Variants in CHD1 observed in about 807,000 individuals in gnomAD.
The protein encoded by CHD1 is chromodomain helicase DNA binding protein 1.
CHD1 carries 36 observed loss-of-function variants against 224.2 expected under a neutral mutation model. The observed-to-expected ratio is 0.16, with a 90% CI of 0.12 to 0.21. CHD1 has a LOEUF of 0.21. CHD1 is among the 10% of genes least tolerant of loss of function. The probability of loss-of-function intolerance (pLI) is 1.00; values close to 1 mark genes in which losing one functional copy is unlikely to be tolerated. For missense variants in CHD1, 1,378 were observed against 1,994.8 expected, an observed-to-expected ratio of 0.69 and a Z score of 5.89; for synonymous variants, 668 against 658.3, an observed-to-expected ratio of 1.01 and a Z score of -0.23.
intron 2 of CHD1, among the ~76,000 whole-genome samples, chr5:98,920,084 C>T (rs1752991420): frequency 6.6e-6 from 1 of 152,026 alleles, no homozygotes; most frequent in South Asian, 2.1e-4. Flanking sequence ...CATAAAATAC[C>T]TATTATACAT....
intron 2 of CHD1, among the ~76,000 whole-genome samples, chr5:98,912,274 G>C (rs1468562693): frequency 6.6e-6 from 1 of 152,160 alleles, no homozygotes; most frequent in Non-Finnish European, 1.5e-5. Context: ...ATTATCTAAT[G>C]TATAATGTGT....
chr5:98,884,660 TAA>T (rs1347326785), intron 18 of CHD1, among the ~76,000 whole-genome samples: 1 of 151,340 alleles, frequency 6.6e-6, no homozygotes, highest in Non-Finnish European at 1.5e-5. Flanking sequence ...TCCACGGAAA[TAA>T]AAAAAATTTT....
intron 32 of CHD1, among the ~76,000 whole-genome samples, chr5:98,861,710 G>A (rs542945052): frequency 1.3e-5 from 2 of 148,286 alleles, no homozygotes; most frequent in African/African-American, 5.0e-5. Flanking sequence ...CACCGTCTTA[G>A]CCAGGATGGT....
rs565618815 is a variant in CHD1, at chr5:98,854,595, G to A, written c.*1785C>T. ...CCCTCACATGTTCTCTCATATACCA[G>A]AAAAGAAACAAAGCATTATTATTCT... On this transcript the variant is annotated 3_prime_UTR_variant, in exon 36 of 36. Transcript: ENST00000614616. 6.6e-6 allele frequency: 1 copy of A among 151,878 alleles called. No homozygotes were observed. The highest frequency in any genetic ancestry group is 2.1e-4 in the South Asian group (1 of 4,830). The allele number at this position is 151,878 out of a possible 1,614,324, so 9.4% of individuals were successfully genotyped here.
intron 32 of CHD1, among the ~76,000 whole-genome samples, chr5:98,861,977 T>C (rs1748511350): frequency 6.6e-6 from 1 of 151,920 alleles, no homozygotes; most frequent in Non-Finnish European, 1.5e-5. Flanking sequence ...GCTGACATGG[T>C]GAAACCCCAT....
chr5:98,923,988 G>C (rs1009167482), intron 2 of CHD1, among the ~76,000 whole-genome samples: 3 of 152,178 alleles, frequency 2.0e-5, no homozygotes, highest in Admixed American at 2.0e-4. Context: ...GGGTGTGGCA[G>C]CTCACACCTG....
chr5:98,892,298 TTA>T (rs1751073503), intron 15 of CHD1, among the ~76,000 whole-genome samples: 1 of 152,192 alleles, frequency 6.6e-6, no homozygotes, highest in Admixed American at 6.5e-5. Context: ...AAGCAATTAA[TTA>T]TGTGTCAGAA....
chr5:98,883,350 C>T (rs1321899200), intron 18 of CHD1, 113 bp from the exon 19 acceptor site: 1 of 540,336 alleles, frequency 1.9e-6, no homozygotes, highest in Non-Finnish European at 3.2e-6. Flanking sequence ...AAACATCTAG[C>T]AAGACCAATC....
At chr5:98,909,851 C>T (rs1213022715) in intron 2 of CHD1, among the ~76,000 whole-genome samples, 1 of 152,052 alleles carries the variant, frequency 6.6e-6, no homozygotes, top group African/African-American at 2.4e-5. Flanking sequence ...CCAAACTCTC[C>T]CATCTTTTTC....
intron 31 of CHD1, among the ~76,000 whole-genome samples, 164 bp downstream of exon 31, chr5:98,868,331 G>GAAAAAAAAAAAAAAAAAAAAA (rs58475767): frequency 6.5e-5 from 6 of 91,684 alleles, no homozygotes; most frequent in Non-Finnish European, 9.1e-5. Context: ...ACTCAAAAAA[G>GAAAAAAAAAAAAAAAAAAAAA]AAAAAAAAAA....
chr5:98,895,022 T>G (rs1312662750), intron 12 of CHD1, among the ~76,000 whole-genome samples: 1 of 152,106 alleles, frequency 6.6e-6, no homozygotes, highest in Non-Finnish European at 1.5e-5. Flanking sequence ...GGTATCTCCA[T>G]GTTGGTCAGA....
At chr5:98,908,820 C>G (rs1347694891) in intron 2 of CHD1, among the ~76,000 whole-genome samples, 1 of 124,396 alleles carries the variant, frequency 8.0e-6, no homozygotes, top group Non-Finnish European at 1.7e-5. Flanking sequence ...ATAAATAAAC[C>G]CATTGAATTC....
intron 2 of CHD1, among the ~76,000 whole-genome samples, chr5:98,921,254 A>G (rs1206966508): frequency 6.6e-6 from 1 of 152,218 alleles, no homozygotes; most frequent in Non-Finnish European, 1.5e-5. Context: ...CTGCTTCCGG[A>G]GAAACGAAAC....
At chr5:98,924,484 T>A (rs1281934219) in intron 2 of CHD1, among the ~76,000 whole-genome samples, 1 of 152,156 alleles carries the variant, frequency 6.6e-6, no homozygotes, top group African/African-American at 2.4e-5. Context: ...ATCCTTAGAG[T>A]TGAGGCAATC....
At chr5:98,862,895 GAGA>G (rs1318757743) in intron 32 of CHD1, among the ~76,000 whole-genome samples, 2 of 152,176 alleles carry the variant, frequency 1.3e-5, no homozygotes, top group Non-Finnish European at 2.9e-5. Flanking sequence ...AATAAAAGTA[GAGA>G]AGAATTTTAA....
intron 18 of CHD1, among the ~76,000 whole-genome samples, chr5:98,884,669 T>C (rs567096640): frequency 6.6e-6 from 1 of 151,524 alleles, no homozygotes; most frequent in Non-Finnish European, 1.5e-5. Context: ...ATAAAAAAAA[T>C]TTTTTTTAAA....
Position 98,875,076 on chromosome 5 carries a change from C to G in CHD1, c.3436G>C (p.Glu1146Gln), listed in dbSNP as rs375150038. The G allele has an allele frequency of 1.7e-5, 25 of 1,472,614 alleles. No homozygotes were observed. The highest frequency in any genetic ancestry group is 2.3e-5 in the Non-Finnish European group (24 of 1,059,144). 91.2% of individuals were successfully genotyped at this position (1,472,614 alleles called of 1,614,324 possible). A position where few individuals can be genotyped will look rare whatever the true frequency, so the allele number is the denominator to read the frequency against. ...KSYKKFGGPL[E>Q]RLDAIARDAE... is the part of the protein sequence containing the mutation. ...GAGAATAATAAACGTATTTACCTTT[C>G]CAGAGGACCACCAAATTTCTTATAG... The change falls in exon 25 of 36, where the codon GAA (glutamate) becomes CAA (glutamine). Residue 1146 changes from glutamate to glutamine, a missense_variant. Transcript: ENST00000614616.
chr5:98,919,936 T>A (rs112580407), intron 2 of CHD1, among the ~76,000 whole-genome samples: 243 of 152,246 alleles, frequency 1.6e-3, no homozygotes, highest in African/African-American at 5.3e-3. Flanking sequence ...GAACCAAGGC[T>A]CCTTGGAGAG....
At chr5:98,883,547 G>A (rs1043923117) in intron 18 of CHD1, among the ~76,000 whole-genome samples, 1 of 151,838 alleles carries the variant, frequency 6.6e-6, no homozygotes, top group African/African-American at 2.4e-5. Context: ...AAACAGCGTG[G>A]AAATTCCTTA....
Sources: gnomAD v4.1 joint callset for allele counts (sites outside exome capture counted in the v4.1 genomes callset) on GRCh38, gnomAD v4.1.1 for gene constraint, MANE v1.5 for transcripts, NCBI Gene and HGNC (gene_info 2026-07-23, HGNC 2026-07-21) for gene names.